Variants in SPAG16 observed in about 807,000 individuals in gnomAD.
SPAG16 encodes sperm-associated antigen 16 protein.
Under a neutral mutation model 80.4 loss-of-function variants are expected in SPAG16, and 86 were observed. That is an observed-to-expected ratio of 1.07 (90% CI 0.90 to 1.28). The LOEUF is 1.28. SPAG16 is among the 50% of genes most tolerant of loss of function. SPAG16 has a pLI of 0.00. For synonymous variants in SPAG16, 294 were observed against 265.9 expected, an observed-to-expected ratio of 1.11 and a Z score of -1.03; for missense variants, 870 against 765.3, an observed-to-expected ratio of 1.14 and a Z score of -1.61.
At chr2:213,342,518 ATACT>A (rs1273137804) in intron 6 of SPAG16, among the ~76,000 whole-genome samples, 2 of 151,714 alleles carry the variant, frequency 1.3e-5, no homozygotes, top group Non-Finnish European at 2.9e-5. Flanking sequence ...CTGCACTTTA[ATACT>A]TAATTTCTAT....
intron 9 of SPAG16, among the ~76,000 whole-genome samples, chr2:213,454,201 T>C (rs1217697536): frequency 6.6e-6 from 1 of 152,194 alleles, no homozygotes; most frequent in East Asian, 1.9e-4. Context: ...ATTATAATAG[T>C]TTTATTTAAT....
At chr2:213,712,274 C>G (rs139152665) in intron 10 of SPAG16, among the ~76,000 whole-genome samples, 1 of 152,178 alleles carries the variant, frequency 6.6e-6, no homozygotes, top group Non-Finnish European at 1.5e-5. Context: ...ATTTATTCAA[C>G]AAATATTTAT....
At chr2:214,108,355 A>G in intron 14 of SPAG16, 94 bp downstream of exon 14, 1 of 978,262 alleles carries the variant, frequency 1.0e-6, no homozygotes, top group Non-Finnish European at 1.6e-6. Context: ...TGGTAAGTTA[A>G]TGAGGTGAGA....
At chr2:213,719,884 A>C (rs911768616) in intron 10 of SPAG16, among the ~76,000 whole-genome samples, 2 of 152,220 alleles carry the variant, frequency 1.3e-5, no homozygotes, top group Non-Finnish European at 2.9e-5. Context: ...ACACACATGC[A>C]CACGTATGTT....
intron 12 of SPAG16, among the ~76,000 whole-genome samples, chr2:214,002,559 G>A (rs2046840425): frequency 6.6e-6 from 1 of 152,088 alleles, no homozygotes; most frequent in Non-Finnish European, 1.5e-5. Context: ...AATTATGGAG[G>A]CAGGAAGTCC....
At chr2:213,291,544 G>T (rs910909333) in intron 1 of SPAG16, among the ~76,000 whole-genome samples, 2 of 152,156 alleles carry the variant, frequency 1.3e-5, no homozygotes, top group Non-Finnish European at 2.9e-5. Context: ...TTTTGAGTCT[G>T]TAGCCTGTAG....
At chr2:213,440,019 CA>C (rs1202479143) in intron 9 of SPAG16, among the ~76,000 whole-genome samples, 1 of 152,136 alleles carries the variant, frequency 6.6e-6, no homozygotes, top group African/African-American at 2.4e-5. Context: ...CCACCATAAT[CA>C]GGAGTTGGAA....
In SPAG16 at chr2:214,038,635, G is replaced by A. The variant is rs2048837945; in HGVS notation, c.1527+24558G>A. Among the ~76,000 whole-genome samples, 3 of 151,764 alleles carry A rather than the reference G, an allele frequency of 2.0e-5. 1 individual carries two copies. Among genetic ancestry groups the A allele is most frequent in the Admixed American group, 1.3e-4 (2 of 15,232 alleles). On this transcript the variant is annotated intron_variant, in intron 13 of 15. Coordinates refer to ENST00000331683, the MANE Select transcript of SPAG16 (RefSeq NM_024532.5). ...TATACATGTGCCATGTTGGTGTGCT[G>A]CACCCAGTAACTGGTCATTTAACAT...
At chr2:214,075,348 G>T (rs924490872) in intron 13 of SPAG16, among the ~76,000 whole-genome samples, 11 of 151,580 alleles carry the variant, frequency 7.3e-5, no homozygotes, top group Admixed American at 6.6e-4. Context: ...CATTAATTAT[G>T]TACAATAGTA....
chr2:213,407,954 A>G (rs1165612803), intron 9 of SPAG16, among the ~76,000 whole-genome samples: 4 of 129,922 alleles, frequency 3.1e-5, no homozygotes, highest in African/African-American at 1.1e-4. Flanking sequence ...GAGAGACAGG[A>G]GAGAGGCAGA....
At chr2:213,977,335 C>T (rs1235728253) in intron 12 of SPAG16, among the ~76,000 whole-genome samples, 1 of 151,880 alleles carries the variant, frequency 6.6e-6, no homozygotes, top group Non-Finnish European at 1.5e-5. Flanking sequence ...GATGAGATTC[C>T]TGGAGTGTAG....
chr2:214,237,929 C>A (rs750829470), intron 15 of SPAG16, among the ~76,000 whole-genome samples: 2 of 151,948 alleles, frequency 1.3e-5, no homozygotes, highest in Non-Finnish European at 2.9e-5. Context: ...GTATAGAAAC[C>A]ATGCTATCAT....
intron 11 of SPAG16, among the ~76,000 whole-genome samples, chr2:213,908,760 C>CT (rs34929055): frequency 0.53 from 77,837 of 145,910 alleles, 21,192 homozygotes; most frequent in East Asian, 0.82. Flanking sequence ...TTTTTTTTGT[C>CT]TTTTTTTTTC....
chr2:214,377,199 C>A (rs1700180721), intron 15 of SPAG16, among the ~76,000 whole-genome samples: 1 of 152,098 alleles, frequency 6.6e-6, no homozygotes, highest in African/African-American at 2.4e-5. Flanking sequence ...AGTTGCAGAT[C>A]CCAATAAAAA....
chr2:213,526,987 G>C (rs2075908048), intron 10 of SPAG16, among the ~76,000 whole-genome samples: 1 of 152,200 alleles, frequency 6.6e-6, no homozygotes, highest in Non-Finnish European at 1.5e-5. Context: ...GGCTGAAAGA[G>C]AGAAGATGAC....
chr2:213,295,162 A>G (rs1219969), intron 1 of SPAG16, among the ~76,000 whole-genome samples: 5,172 of 152,204 alleles, frequency 0.034, 175 homozygotes, highest in African/African-American at 0.088. Context: ...AACCATTACC[A>G]TGCATTAAAG....
At chr2:214,170,977 G>A (rs975192754) in intron 15 of SPAG16, among the ~76,000 whole-genome samples, 2 of 151,942 alleles carry the variant, frequency 1.3e-5, no homozygotes, top group Non-Finnish European at 2.9e-5. Flanking sequence ...TTCTGGGCAG[G>A]CTGCCATATA....
At chr2:213,799,198 C>T (rs1313534889) in intron 10 of SPAG16, among the ~76,000 whole-genome samples, 1 of 152,108 alleles carries the variant, frequency 6.6e-6, no homozygotes, top group Non-Finnish European at 1.5e-5. Flanking sequence ...TCTTCTGATA[C>T]ATGAACATAG....
At chr2:213,843,167 G>T (rs780176411) in intron 10 of SPAG16, among the ~76,000 whole-genome samples, 6 of 151,900 alleles carry the variant, frequency 3.9e-5, no homozygotes, top group Non-Finnish European at 7.4e-5. Flanking sequence ...ACAATGTGCA[G>T]GTTAGTTACA....
Sources: allele counts gnomAD v4.1 joint callset (sites outside exome capture counted in the v4.1 genomes callset), GRCh38; gene constraint gnomAD v4.1.1; transcripts MANE v1.5; gene names NCBI Gene and HGNC (gene_info 2026-07-23, HGNC 2026-07-21).